SCRG1: variants seen among roughly 807,000 people sequenced by gnomAD.
SCRG1 encodes scrapie-responsive protein 1.
Under a neutral mutation model 7.7 loss-of-function variants are expected in SCRG1, and 3 were observed. The observed-to-expected ratio is 0.39, with a 90% CI of 0.18 to 1.01. SCRG1 has a LOEUF of 1.01. Among genes scored for constraint, SCRG1 ranks in the 50% least tolerant of loss-of-function variants. The probability of loss-of-function intolerance (pLI) is 0.36; values close to 1 mark genes in which losing one functional copy is unlikely to be tolerated. For missense variants in SCRG1, 110 were observed against 117.2 expected (o/e 0.94, Z 0.28); for synonymous variants, 46 against 41.2 (o/e 1.12, Z -0.44).
At chr4:173,452,370 G>A in the SCRG1 span, among the ~76,000 whole-genome samples, 1 of 152,148 alleles carries the variant, frequency 6.6e-6, no homozygotes, top group Admixed American at 6.5e-5. Flanking sequence ...AGCAAGAGGA[G>A]GATGGGAGGG....
At chr4:173,455,891 G>GGA in the SCRG1 span, among the ~76,000 whole-genome samples, 2 of 152,252 alleles carry the variant, frequency 1.3e-5, no homozygotes, top group African/African-American at 4.8e-5. Flanking sequence ...GAAAGACCTG[G>GGA]GAGGCCATGC....
At position 173,404,641 on chromosome 4, in the gene SCRG1, C is replaced by A. The variant is rs1353230778; in HGVS notation, c.-747-209G>T. On this transcript the variant is annotated intron_variant and NMD_transcript_variant, in intron 1 of 8. Transcript: ENST00000512188. Reference sequence around the variant, plus strand: ...TCATTCATAATTATTTATTGTGTGTCTGCTGTGTACCATGAATGATATTGC... The same window carrying A: ...TCATTCATAATTATTTATTGTGTGTATGCTGTGTACCATGAATGATATTGC... Among the ~76,000 whole-genome samples the A allele has an allele frequency of 3.3e-5, 5 of 152,314 alleles. No individual in the cohort carries two copies. In the East Asian group the frequency reaches 9.6e-4, roughly 29 times the overall value.
chr4:173,421,632 A>T, the SCRG1 span, among the ~76,000 whole-genome samples: 2 of 152,220 alleles, frequency 1.3e-5, no homozygotes, highest in African/African-American at 4.8e-5. Flanking sequence ...ATGATAAATC[A>T]TTACATAATT....
At chr4:173,483,291 C>CATATATGATATATA in the SCRG1 span, among the ~76,000 whole-genome samples, 140 of 38,542 alleles carry the variant, frequency 3.6e-3, 16 homozygotes, top group South Asian at 0.083. Context: ...TATGATATAT[C>CATATATGATATATA]ATATATGATA....
At chr4:173,496,452 A>G in the SCRG1 span, among the ~76,000 whole-genome samples, 1 of 152,228 alleles carries the variant, frequency 6.6e-6, no homozygotes, top group African/African-American at 2.4e-5. Flanking sequence ...GACTATTGGT[A>G]TGCAACAGAG....
At chr4:173,510,734 G>T in the SCRG1 span, among the ~76,000 whole-genome samples, 17 of 151,938 alleles carry the variant, frequency 1.1e-4, no homozygotes, top group Admixed American at 6.6e-4. The surrounding 1 kb of genome is among the most constrained non-coding windows in gnomAD (Gnocchi z 5.7). Flanking sequence ...TACCCACCCC[G>T]GCAACTGGAA....
upstream of SCRG1, among the ~76,000 whole-genome samples, chr4:173,409,494 C>G (rs1394593979): frequency 6.6e-6 from 1 of 152,004 alleles, no homozygotes; most frequent in Non-Finnish European, 1.5e-5. Flanking sequence ...TGTATCCTTC[C>G]AGGTTGTGAC....
chr4:173,436,684 A>T, the SCRG1 span, among the ~76,000 whole-genome samples: 5 of 152,278 alleles, frequency 3.3e-5, no homozygotes, highest in South Asian at 1.0e-3. Context: ...GGGATGGGTA[A>T]ATTGGAAGCC....
chr4:173,435,301 T>C, the SCRG1 span, among the ~76,000 whole-genome samples: 2 of 152,096 alleles, frequency 1.3e-5, no homozygotes, highest in South Asian at 2.1e-4. Flanking sequence ...GGAGCTTCCC[T>C]AGGAGACTGA....
At chr4:173,429,540 T>C in the SCRG1 span, among the ~76,000 whole-genome samples, 12,441 of 152,172 alleles carry the variant, frequency 0.082, 862 homozygotes, top group African/African-American at 0.19. Context: ...CAAGTGATCT[T>C]CCTACCTTAG....
chr4:173,415,423 T>A, the SCRG1 span, among the ~76,000 whole-genome samples: 1 of 152,184 alleles, frequency 6.6e-6, no homozygotes, highest in Non-Finnish European at 1.5e-5. Flanking sequence ...CTTAGTAGAT[T>A]TAATTTTTGA....
At chr4:173,484,596 TTTTA>T in the SCRG1 span, among the ~76,000 whole-genome samples, 1 of 94,194 alleles carries the variant, frequency 1.1e-5, no homozygotes. Context: ...ATTATGTATA[TTTTA>T]TGTAGTATAT....
chr4:173,484,121 C>CACAATAT, the SCRG1 span, among the ~76,000 whole-genome samples: 3 of 45,862 alleles, frequency 6.5e-5, no homozygotes, highest in Admixed American at 1.2e-3. Context: ...ATATAATATA[C>CACAATAT]AATATATAAT....
the SCRG1 span, among the ~76,000 whole-genome samples, chr4:173,461,853 T>G: frequency 1.4e-5 from 2 of 145,962 alleles, no homozygotes; most frequent in African/African-American, 4.9e-5. Flanking sequence ...TCAGCTAAAT[T>G]GAAGAAAGAC....
the SCRG1 span, among the ~76,000 whole-genome samples, chr4:173,502,245 A>G: frequency 1.7e-4 from 26 of 152,230 alleles, no homozygotes; most frequent in African/African-American, 5.8e-4. This position sits in a 1 kb window ranked among gnomAD's most constrained non-coding sequence, Gnocchi z 4.6. Context: ...CAGCCAGCCC[A>G]GGTAAGTATG....
At chr4:173,424,861 A>G in the SCRG1 span, among the ~76,000 whole-genome samples, 1 of 107,664 alleles carries the variant, frequency 9.3e-6, no homozygotes, top group South Asian at 3.2e-4. Flanking sequence ...GCAAGCCGAG[A>G]TCGCACCAGC....
At chr4:173,487,467 T>C in the SCRG1 span, among the ~76,000 whole-genome samples, 2 of 152,194 alleles carry the variant, frequency 1.3e-5, no homozygotes, top group Non-Finnish European at 2.9e-5. Flanking sequence ...AAGACATGAT[T>C]TGGGACATTA....
the SCRG1 span, among the ~76,000 whole-genome samples, chr4:173,489,558 T>C: frequency 2.0e-5 from 3 of 152,058 alleles, no homozygotes; most frequent in African/African-American, 7.2e-5. Flanking sequence ...TTACAAGCAA[T>C]ACAATCAATC....
the SCRG1 span, among the ~76,000 whole-genome samples, chr4:173,431,696 G>T: frequency 6.6e-6 from 1 of 152,186 alleles, no homozygotes; most frequent in Non-Finnish European, 1.5e-5. Context: ...TCTGCCCTTT[G>T]TTATGTGAGT....
Sources: allele counts gnomAD v4.1 joint callset (sites outside exome capture counted in the v4.1 genomes callset), GRCh38; gene constraint gnomAD v4.1.1; non-coding constraint Gnocchi (gnomAD v3.1); transcripts MANE v1.5; gene names NCBI Gene and HGNC (gene_info 2026-07-23, HGNC 2026-07-21).